Variants in IPP observed in about 807,000 individuals in gnomAD.
IPP encodes the protein intracisternal A particle-promoted polypeptide.
IPP carries 41 observed loss-of-function variants against 64.1 expected under a neutral mutation model. That is an observed-to-expected ratio of 0.64 (90% CI 0.50 to 0.83). The LOEUF (loss-of-function observed/expected upper bound fraction) is 0.83, where lower values mean the gene tolerates loss of function less well. Ranked by LOEUF, IPP falls within the 40% of genes least tolerant of loss-of-function variation. The probability of loss-of-function intolerance (pLI) is 0.00; values close to 1 mark genes in which losing one functional copy is unlikely to be tolerated. For synonymous variants in IPP, 214 were observed against 235.2 expected (o/e 0.91, Z 0.83); for missense variants, 649 against 703.0 (o/e 0.92, Z 0.87).
chr1:45,728,875 C>A (rs1645868391), intron 4 of IPP, among the ~76,000 whole-genome samples: 1 of 151,924 alleles, frequency 6.6e-6, no homozygotes, highest in Non-Finnish European at 1.5e-5. Flanking sequence ...CGGCTGTAAT[C>A]CCAGCACTTT....
At position 45,701,278 on chromosome 1, in the gene IPP, G is replaced by T. The variant is rs117354665; in HGVS notation, c.1531-1088C>A. On this transcript the variant is annotated intron_variant, in intron 8 of 8. Coordinates refer to ENST00000396478, the MANE Select transcript of IPP (RefSeq NM_005897.3). Reference sequence around the variant, plus strand: ...TGCTATAGCCAAAATGACTAGTAGTGTCTTACTTTTTTTTTTGTTTTTTTT... The same window carrying T: ...TGCTATAGCCAAAATGACTAGTAGTTTCTTACTTTTTTTTTTGTTTTTTTT... Among the ~76,000 whole-genome samples, 459 of 149,486 alleles carry T rather than the reference G, an allele frequency of 3.1e-3. 4 individuals are homozygous for T. Among genetic ancestry groups the T allele is most frequent in the East Asian group, 0.023 (116 of 5,056 alleles).
chr1:45,740,829 ACT>A (rs1473605574), intron 3 of IPP, 70 bp downstream of exon 3: 6 of 980,990 alleles, frequency 6.1e-6, no homozygotes, highest in African/African-American at 3.2e-5. Context: ...AAATGAAAAC[ACT>A]CTCCCACATT....
At chr1:45,742,606 C>T (rs1285422659) in intron 2 of IPP, among the ~76,000 whole-genome samples, 1 of 152,016 alleles carries the variant, frequency 6.6e-6, no homozygotes, top group Non-Finnish European at 1.5e-5. Context: ...CAATCTTGGC[C>T]CACTGCAACC....
intron 2 of IPP, among the ~76,000 whole-genome samples, chr1:45,743,866 A>G (rs1270372423): frequency 1.3e-5 from 2 of 151,844 alleles, no homozygotes; most frequent in Admixed American, 6.6e-5. Context: ...AAAATACAAA[A>G]ATTAGCTGGG....
At chr1:45,722,049 AGAGT>A (rs1645740163) in intron 5 of IPP, among the ~76,000 whole-genome samples, 1 of 152,144 alleles carries the variant, frequency 6.6e-6, no homozygotes, top group South Asian at 2.1e-4. Flanking sequence ...AGCCTGGCAC[AGAGT>A]GAGACTCCGT....
chr1:45,700,212 AAT>A (rs1553187717), intron 8 of IPP, 22 bp from the exon 9 acceptor site: 1 of 1,594,370 alleles, frequency 6.3e-7, no homozygotes, highest in Non-Finnish European at 8.5e-7. Context: ...AGAAAAAAAA[AAT>A]ATGTTAGCAG....
At chr1:45,696,102 G>C (rs1382293599), downstream of IPP, among the ~76,000 whole-genome samples, 1 of 152,118 alleles carries the variant, frequency 6.6e-6, no homozygotes, top group East Asian at 1.9e-4. Context: ...TCCATAATCT[G>C]AATTAAATGA....
At chr1:45,702,184 GTTC>G (rs1645463889) in intron 8 of IPP, among the ~76,000 whole-genome samples, 1 of 151,804 alleles carries the variant, frequency 6.6e-6, no homozygotes, top group South Asian at 2.1e-4. Context: ...ATCCTATATT[GTTC>G]TTCTTTCATT....
chr1:45,719,488 T>C (rs1319925207), intron 5 of IPP, 148 bp from the exon 6 acceptor site: 9 of 551,216 alleles, frequency 1.6e-5, no homozygotes, highest in Non-Finnish European at 2.8e-5. Context: ...CATTTGCCTG[T>C]CAAGCAGTAT....
Position 45,714,396 on chromosome 1 carries a change from T to C in IPP, c.1380A>G (p.Pro460=), listed in dbSNP as rs544485005. The C allele has an allele frequency of 4.3e-6, 7 of 1,614,100 alleles. No individual in the cohort carries two copies. The highest frequency in any genetic ancestry group is 2.7e-5 in the African/African-American group (2 of 75,054). Residue 460 remains proline, a synonymous_variant, in exon 8 of 9, where the codon CCA becomes CCG. Transcript: ENST00000396478. The part of the protein sequence containing the change: ...IELRSFEVYD[P]LSKRWSPLPP... ...GAAGTGGAGACCAACGCTTAGAAAGTGGATCATAGACTTCAAAAGAACGAA... is the reference window on the plus strand; with the variant it reads ...GAAGTGGAGACCAACGCTTAGAAAGCGGATCATAGACTTCAAAAGAACGAA...
In IPP at chr1:45,701,920, A is replaced by G. The variant is rs999497216; in HGVS notation, c.1531-1730T>C. ...AACTTAAATAAGATTATGAAATACT[A>G]AACCAGGGACAATTCTTTGAAAGTG... On this transcript the variant is annotated intron_variant, in intron 8 of 8. Transcript: ENST00000396478. 4.6e-5 allele frequency among the ~76,000 whole-genome samples: 7 copies of G among 152,204 alleles called. No individual in the cohort carries two copies. In the East Asian group the frequency reaches 5.8e-4, roughly 13 times the overall value.
chr1:45,716,835 C>T (rs1360737236), intron 7 of IPP, 60 bp downstream of exon 7: 4 of 1,492,534 alleles, frequency 2.7e-6, no homozygotes, highest in Non-Finnish European at 3.7e-6. Context: ...AATAAGGCCT[C>T]AAACTCAAAC....
chr1:45,714,341 C>A lies in IPP; in HGVS notation c.1435G>T (p.Gly479Cys). ...ATGCAGTCATTGAGTGCAGCCACAC[C>A]AAGATATGCTCTCCTGGTTCCCATT... is the stretch of plus-strand genomic sequence containing the variant. The part of the protein sequence containing the change: ...PPMGTRRAYL[G>C]VAALNDCIYS... Residue 479 changes from glycine to cysteine, a missense_variant, in exon 8 of 9, where the codon GGT becomes TGT. Coordinates refer to ENST00000396478, the MANE Select transcript of IPP (RefSeq NM_005897.3). The A allele has an allele frequency of 6.2e-7, 1 of 1,614,082 alleles. No homozygotes were observed. Among genetic ancestry groups the A allele is most frequent in the Non-Finnish European group, 8.5e-7 (1 of 1,179,942 alleles).
intron 6 of IPP, among the ~76,000 whole-genome samples, chr1:45,717,490 A>G (rs1015425679): frequency 1.3e-5 from 2 of 150,222 alleles, no homozygotes; most frequent in Non-Finnish European, 3.0e-5. Context: ...CCACAATAAC[A>G]TTTTCTTAAC....
At chr1:45,694,528 G>T (rs1645370037), downstream of IPP, 3 of 1,456,706 alleles carry the variant, frequency 2.1e-6, no homozygotes, top group East Asian at 7.4e-5. Context: ...GAAAAGAAAA[G>T]GTAGTTCCAT....
At chr1:45,749,002 C>T (rs925965798) in intron 1 of IPP, among the ~76,000 whole-genome samples, 1 of 150,622 alleles carries the variant, frequency 6.6e-6, no homozygotes, top group Non-Finnish European at 1.5e-5. Flanking sequence ...GGGGTGGGGG[C>T]GGAGAAACCA....
chr1:45,702,089 T>C (rs1645462593), intron 8 of IPP, among the ~76,000 whole-genome samples: 1 of 152,182 alleles, frequency 6.6e-6, no homozygotes, highest in Admixed American at 6.5e-5. Flanking sequence ...TAAATTAGGA[T>C]AATTTAGGTT....
At position 45,721,896 on chromosome 1, in the gene IPP, C is replaced by G. The variant is rs1645736241; in HGVS notation, c.1049-2556G>C. On this transcript the variant is annotated intron_variant, in intron 5 of 8. Coordinates refer to ENST00000396478, the MANE Select transcript of IPP (RefSeq NM_005897.3). The stretch of plus-strand genomic sequence containing the variant: ...CCAGCCTGACCAACATGGTGAAACC[C>G]TGTCTCTACTAAAAACACAAAAATT... 2.0e-5 allele frequency among the ~76,000 whole-genome samples: 3 copies of G among 152,142 alleles called. No homozygotes were observed. The South Asian group carries it at 6.2e-4, about 31-fold the overall frequency.
At chr1:45,700,658 T>C (rs1366595220) in intron 8 of IPP, among the ~76,000 whole-genome samples, 1 of 152,160 alleles carries the variant, frequency 6.6e-6, no homozygotes, top group Non-Finnish European at 1.5e-5. Context: ...TAAAATAAAC[T>C]TGAAGTGGGC....
Sources: gnomAD v4.1 joint callset for allele counts (sites outside exome capture counted in the v4.1 genomes callset) on GRCh38, gnomAD v4.1.1 for gene constraint, MANE v1.5 for transcripts, NCBI Gene and HGNC (gene_info 2026-07-23, HGNC 2026-07-21) for gene names.